Variants in MXD4 observed in about 807,000 individuals in gnomAD.
MXD4 encodes the protein MAX dimerization protein 4.
Under a neutral mutation model 24.5 loss-of-function variants are expected in MXD4, and 16 were observed. That is an observed-to-expected ratio of 0.65 (90% CI 0.44 to 0.99). MXD4 has a LOEUF of 0.99. MXD4 is among the 50% of genes least tolerant of loss of function. MXD4 has a pLI of 0.00. For missense variants in MXD4, 301 were observed against 301.5 expected (o/e 1.00, Z 0.01); for synonymous variants, 164 against 134.2 (o/e 1.22, Z -1.54).
In MXD4 at chr4:2,250,598, G is replaced by T. The variant is rs775769100; in HGVS notation, c.576C>A (p.Gly192=). The change falls in exon 6 of 6, where the codon GGC becomes GGA. Residue 192 remains glycine, a synonymous_variant. Coordinates refer to ENST00000337190, the MANE Select transcript of MXD4 (RefSeq NM_006454.3). ...GGCAGTGGGGCCCGAAGCCACTGTCGCCGCCGGTGCCACTCTGCAGGCTGT... is the reference window on the plus strand; with the variant it reads ...GGCAGTGGGGCCCGAAGCCACTGTCTCCGCCGGTGCCACTCTGCAGGCTGT... ...DHYSLQSGTG[G]DSGFGPHCRR... 1 of 1,611,474 alleles carries T rather than the reference G, an allele frequency of 6.2e-7. No individual in the cohort carries two copies. The highest frequency in any genetic ancestry group is 1.3e-5 in the African/African-American group (1 of 74,888).
chr4:2,257,149 G>C lies in MXD4; in HGVS notation c.194+833C>G, dbSNP rs550184355. ...GGAGAACGGAAGTTGGTGCTGCTGT[G>C]GGGGTAGACATGGTGGGGAGGCGGA... On this transcript the variant is annotated intron_variant, in intron 3 of 5. Coordinates refer to ENST00000337190, the MANE Select transcript of MXD4 (RefSeq NM_006454.3). 9.2e-5 allele frequency among the ~76,000 whole-genome samples: 14 copies of C among 152,338 alleles called. No individual in the cohort carries two copies. The East Asian group carries it at 2.1e-3, about 23-fold the overall frequency.
chr4:2,258,882 C>T (rs561035221), intron 2 of MXD4: 1 of 455,926 alleles, frequency 2.2e-6, no homozygotes, highest in Admixed American at 2.3e-5. Flanking sequence ...ACCTGCTGCT[C>T]ACCTGTCTTG....
Position 2,257,860 on chromosome 4 carries a change from G to A in MXD4, c.194+122C>T, listed in dbSNP as rs149689210. The A allele has an allele frequency of 3.1e-4, 404 of 1,306,160 alleles. 1 individual carries two copies. In the African/African-American group the frequency reaches 5.2e-3, roughly 17 times the overall value. 80.9% of individuals were successfully genotyped at this position (1,306,160 alleles called of 1,614,324 possible). The stretch of plus-strand genomic sequence containing the variant: ...CAAGTCTGACCATTCCCAAGACAAG[G>A]ACACAGCCTGGCAGCACGGCTGGCC... On this transcript the variant is annotated intron_variant, in intron 3 of 5. Coordinates refer to ENST00000337190, the MANE Select transcript of MXD4 (RefSeq NM_006454.3).
At chr4:2,256,907 G>A (rs1004754336) in intron 3 of MXD4, among the ~76,000 whole-genome samples, 34 of 151,808 alleles carry the variant, frequency 2.2e-4, no homozygotes, top group East Asian at 1.2e-3. Flanking sequence ...TGCCTGCCCC[G>A]GCTCCTGGGT....
chr4:2,259,716 G>A (rs1053003292), intron 2 of MXD4, among the ~76,000 whole-genome samples: 2 of 152,180 alleles, frequency 1.3e-5, no homozygotes, highest in Non-Finnish European at 2.9e-5. Flanking sequence ...GTCCATCGAG[G>A]GGGATGTTTG....
chr4:2,256,754 G>A (rs557634904), intron 3 of MXD4, among the ~76,000 whole-genome samples: 3 of 152,280 alleles, frequency 2.0e-5, no homozygotes, highest in African/African-American at 4.8e-5. Flanking sequence ...AAGGGCAGCT[G>A]CAGGGGTCCC....
At position 2,262,054 on chromosome 4, in the gene MXD4, C is replaced by T; in HGVS notation, c.-74G>A. 7.1e-6 allele frequency: 6 copies of T among 842,420 alleles called. No homozygotes were observed. Among genetic ancestry groups the T allele is most frequent in the South Asian group, 5.2e-5 (1 of 19,182 alleles). 52.2% of individuals were successfully genotyped at this position (842,420 alleles called of 1,614,324 possible). The stretch of plus-strand genomic sequence containing the variant: ...GCCCGCTCCGGCCGGCTCCGCTCGC[C>T]GCCCACCCCGCGCGCCCGGCCGCCG... On this transcript the variant is annotated 5_prime_UTR_variant, in exon 1 of 6. Coordinates refer to ENST00000337190, the MANE Select transcript of MXD4 (RefSeq NM_006454.3).
At chr4:2,260,389 G>A (rs1560115599) in intron 2 of MXD4, among the ~76,000 whole-genome samples, 1 of 152,242 alleles carries the variant, frequency 6.6e-6, no homozygotes, top group Non-Finnish European at 1.5e-5. Flanking sequence ...AGATGAACTG[G>A]CTGCATGTGT....
intron 5 of MXD4, 35 bp downstream of exon 5, chr4:2,251,049 G>A (rs1034449439): frequency 6.6e-6 from 10 of 1,514,830 alleles, no homozygotes; most frequent in African/African-American, 1.4e-5. Flanking sequence ...GCACCCGGAG[G>A]CCCAGGTGAG....
At chr4:2,259,711 T>C (rs921160995) in intron 2 of MXD4, among the ~76,000 whole-genome samples, 10 of 152,070 alleles carry the variant, frequency 6.6e-5, no homozygotes, top group Non-Finnish European at 1.0e-4. Context: ...TTGGGGTCCA[T>C]CGAGGGGGAT....
chr4:2,248,414 G>A lies in MXD4; in HGVS notation c.*2130C>T, dbSNP rs1217483600. ...CTGGAGGGTGGGGCAGGGAGCTGGT[G>A]CTTCAAGAATTGAGGGCAGGGACAC... is the stretch of plus-strand genomic sequence containing the variant. On this transcript the variant is annotated 3_prime_UTR_variant, in exon 6 of 6. Coordinates refer to ENST00000337190, the MANE Select transcript of MXD4 (RefSeq NM_006454.3). 2 of 152,452 alleles carry A rather than the reference G, an allele frequency of 1.3e-5. No homozygotes were observed. The highest frequency in any genetic ancestry group is 3.8e-4 in the East Asian group (2 of 5,198). 9.4% of individuals were successfully genotyped at this position (152,452 alleles called of 1,614,324 possible). A position where few individuals can be genotyped will look rare whatever the true frequency, so the allele number is the denominator to read the frequency against.
chr4:2,251,186 G>A lies in MXD4; in HGVS notation c.370C>T (p.Arg124Cys), dbSNP rs749976816. Reference sequence around the variant, plus strand: ...TGCTCCAGGCGCCGCTTCAGGAAACGATGCTCCTGCTGCAGCTGCTCCTTG... The same window carrying A: ...TGCTCCAGGCGCCGCTTCAGGAAACAATGCTCCTGCTGCAGCTGCTCCTTG... ...SIKEQLQQEHRFLKRRLEQLS... is the reference protein window; with the variant it reads ...SIKEQLQQEHCFLKRRLEQLS... The change falls in exon 5 of 6, where the codon CGT (arginine) becomes TGT (cysteine). Residue 124 changes from arginine (R) to cysteine (C), a missense_variant. By Grantham distance (180) the Arg-to-Cys change is radical (BLOSUM62 -3). Coordinates refer to ENST00000337190, the MANE Select transcript of MXD4 (RefSeq NM_006454.3). 1.2e-5 allele frequency: 19 copies of A among 1,606,644 alleles called. No individual in the cohort carries two copies. Among genetic ancestry groups the A allele is most frequent in the Admixed American group, 1.7e-5 (1 of 59,216 alleles).
At position 2,251,262 on chromosome 4, in the gene MXD4, G is replaced by C. The variant is rs1423623452; in HGVS notation, c.310-16C>G. On this transcript the variant is annotated splice_polypyrimidine_tract_variant and intron_variant, in intron 4 of 5. Coordinates refer to ENST00000337190, the MANE Select transcript of MXD4 (RefSeq NM_006454.3). ...CCTCCAGTTTCTGGGGTCGAGGGGG[G>C]CTGTGAGCTCACAGCGGGAAGAGGA... The C allele has an allele frequency of 5.1e-6, 8 of 1,572,896 alleles. No homozygotes were observed. The Middle Eastern group carries it at 6.9e-4, about 136-fold the overall frequency.
chr4:2,259,852 A>AC (rs1160426113), intron 2 of MXD4, among the ~76,000 whole-genome samples: 1 of 151,776 alleles, frequency 6.6e-6, no homozygotes, highest in South Asian at 2.1e-4. Context: ...CACAGAATGG[A>AC]CCCCCCTGCA....
At chr4:2,251,278 G>T (rs377061331) in intron 4 of MXD4, 32 bp from the exon 5 acceptor site, 1 of 1,542,558 alleles carries the variant, frequency 6.5e-7, no homozygotes, top group Non-Finnish European at 8.8e-7. Flanking sequence ...AGCTCACAGC[G>T]GGAAGAGGAG....
rs1225637189 is a variant in MXD4, at chr4:2,250,517, G to C, written c.*27C>G. On this transcript the variant is annotated 3_prime_UTR_variant, in exon 6 of 6. Coordinates refer to ENST00000337190, the MANE Select transcript of MXD4 (RefSeq NM_006454.3). ...GCTGACACGCGTGGCTGGCGGGCAG[G>C]CAGGCCAAGGAGCAGAGGGCACGGG... The C allele has an allele frequency of 6.5e-7, 1 of 1,529,440 alleles. No individual in the cohort carries two copies. The highest frequency in any genetic ancestry group is 8.8e-7 in the Non-Finnish European group (1 of 1,138,274). The allele number at this position is 1,529,440 out of a possible 1,614,324, so 94.7% of individuals were successfully genotyped here.
intron 3 of MXD4, chr4:2,254,982 C>A: frequency 3.9e-6 from 1 of 259,566 alleles, no homozygotes; most frequent in South Asian, 3.6e-5. Flanking sequence ...ACTATCCCCC[C>A]AGATCCACAA....
Position 2,250,062 on chromosome 4 carries a change from G to GTGGA in MXD4, c.*481_*482insTCCA, listed in dbSNP as rs1735284464. On this transcript the variant is annotated 3_prime_UTR_variant, in exon 6 of 6. Coordinates refer to ENST00000337190, the MANE Select transcript of MXD4 (RefSeq NM_006454.3). Reference sequence around the variant, plus strand: ...CGCCCTTCACAGACCCCTTGTCCACGCCAGGAGCCTATGTGGACTGACAGG... The same window carrying GTGGA: ...CGCCCTTCACAGACCCCTTGTCCACGTGGACCAGGAGCCTATGTGGACTGACAGG... 1 of 160,904 alleles carries GTGGA rather than the reference G, an allele frequency of 6.2e-6. No individual in the cohort carries two copies. The highest frequency in any genetic ancestry group is 2.4e-5 in the African/African-American group (1 of 41,644). 10.0% of individuals were successfully genotyped at this position (160,904 alleles called of 1,614,324 possible).
chr4:2,261,904 G>C lies in MXD4; in HGVS notation c.64+13C>G, dbSNP rs1406892809. 1 of 1,452,002 alleles carries C rather than the reference G, an allele frequency of 6.9e-7. No individual in the cohort carries two copies. Among genetic ancestry groups the C allele is most frequent in the Non-Finnish European group, 9.1e-7 (1 of 1,101,742 alleles). 89.9% of individuals were successfully genotyped at this position (1,452,002 alleles called of 1,614,324 possible). On this transcript the variant is annotated intron_variant, in intron 1 of 5. Coordinates refer to ENST00000337190, the MANE Select transcript of MXD4 (RefSeq NM_006454.3). ...CCCACCGCCGCGGGCGCACAATGGG[G>C]TGCGAGCGCTACCTCGATCCCTGCG...
Sources: allele counts gnomAD v4.1 joint callset (sites outside exome capture counted in the v4.1 genomes callset), GRCh38; gene constraint gnomAD v4.1.1; transcripts MANE v1.5; gene names NCBI Gene and HGNC (gene_info 2026-07-23, HGNC 2026-07-21).